The following ATP7A variants were observed in gnomAD, a reference collection of about 807,000 sequenced individuals.
ATP7A encodes the protein ATPase copper transporting alpha.
In ATP7A, 7 loss-of-function variants were observed where a neutral mutation model predicts 83.5. The ratio of observed to expected loss-of-function variants is 0.08; its 90% CI spans 0.05 to 0.16. ATP7A has a LOEUF of 0.16. Among genes scored for constraint, ATP7A ranks in the 10% least tolerant of loss-of-function variants. ATP7A has a pLI of 1.00. For synonymous variants in ATP7A, 354 were observed against 395.2 expected (o/e 0.90, Z 1.24); for missense variants, 940 against 1,120.8 (o/e 0.84, Z 2.30).
At chrX:78,004,299 C>T (rs1426945946) in intron 6 of ATP7A, among the ~76,000 whole-genome samples, 3 of 112,044 alleles carry the variant, frequency 2.7e-5, no homozygotes, top group African/African-American at 3.2e-5. Context: ...CTGTTTATCT[C>T]AGGAAGAGAG....
At chrX:77,974,881 AT>A (rs200458835) in intron 2 of ATP7A, 59 of 278,234 alleles carry the variant, frequency 2.1e-4, no homozygotes, top group South Asian at 4.5e-4. Flanking sequence ...TGGAGAAACT[AT>A]TTTTTTTTAT....
At chrX:77,916,079 G>A (rs1249156777) in intron 1 of ATP7A, among the ~76,000 whole-genome samples, 1 of 111,099 alleles carries the variant, frequency 9.0e-6, no homozygotes, top group African/African-American at 3.3e-5. Context: ...AAATTGGCCG[G>A]TGCGGTGGCT....
At chrX:77,969,816 G>A (rs890663552) in intron 1 of ATP7A, among the ~76,000 whole-genome samples, 1 of 112,069 alleles carries the variant, frequency 8.9e-6, no homozygotes, top group Non-Finnish European at 1.9e-5. Flanking sequence ...GTTTGACTAT[G>A]ATGATTTCAT....
chrX:78,000,574 T>A (rs193274052), intron 5 of ATP7A, among the ~76,000 whole-genome samples: 129 of 107,674 alleles, frequency 1.2e-3, no homozygotes, highest in African/African-American at 4.2e-3. Flanking sequence ...TTCTCTCAAT[T>A]TAGTCTGCAA....
chrX:77,973,985 T>C (rs1249710858), intron 2 of ATP7A, among the ~76,000 whole-genome samples: 1 of 111,674 alleles, frequency 9.0e-6, no homozygotes, highest in Non-Finnish European at 1.9e-5. Flanking sequence ...TAAATGGTAC[T>C]GTTTTTAAAT....
rs868946047 is a variant in ATP7A, at chrX:77,989,429, G to A, written c.807G>A (p.Arg269=). The A allele has an allele frequency of 5.8e-6, 7 of 1,209,818 alleles. No homozygotes were observed. Among genetic ancestry groups the A allele is most frequent in the Middle Eastern group, 2.3e-4 (1 of 4,374 alleles). Residue 269 remains arginine (R), a synonymous_variant, in exon 4 of 23, where the codon AGG becomes AGA. Transcript: ENST00000341514. ...PVKSSEGSQQ[R]SPSYTNDSTA... ...AATCCTCAGAAGGGTCACAGCAAAG[G>A]AGTCCATCATATACCAATGATTCAA...
chrX:78,046,278 T>C lies in ATP7A; in HGVS notation c.4227-16T>C. On this transcript the variant is annotated splice_polypyrimidine_tract_variant and intron_variant, in intron 22 of 22. Coordinates refer to ENST00000341514, the MANE Select transcript of ATP7A (RefSeq NM_000052.7). ...TTTTGGTTATTTGAAACTAGCATACTTTTGCATATGTCCAGTTACAGGAAA... is the reference window on the plus strand; with the variant it reads ...TTTTGGTTATTTGAAACTAGCATACCTTTGCATATGTCCAGTTACAGGAAA... The C allele has an allele frequency of 3.3e-6, 4 of 1,210,112 alleles. No individual in the cohort carries two copies. Among genetic ancestry groups the C allele is most frequent in the Non-Finnish European group, 4.5e-6 (4 of 894,327 alleles).
chrX:78,033,585 C>T lies in ATP7A; in HGVS notation c.3295-20C>T. 1 of 1,198,316 alleles carries T rather than the reference C, an allele frequency of 8.3e-7. No homozygotes were observed. Among genetic ancestry groups the T allele is most frequent in the Non-Finnish European group, 1.1e-6 (1 of 883,455 alleles). ...CATTATCAGAACAGTAGAGGAAATC[C>T]TTTTGTTTCTGTTTGTTAGGAGCTG... is the stretch of plus-strand genomic sequence containing the variant. On this transcript the variant is annotated intron_variant, in intron 16 of 22. Transcript: ENST00000341514.
At chrX:78,043,229 G>A (rs1291324042) in intron 20 of ATP7A, 88 bp from the exon 21 acceptor site, 20 of 654,797 alleles carry the variant, frequency 3.1e-5, no homozygotes, top group East Asian at 6.5e-5. Flanking sequence ...TAAGGTAGAC[G>A]TAATCTTCAA....
chrX:77,989,213 T>C lies in ATP7A; in HGVS notation c.611-20T>C, dbSNP rs782501595. The C allele has an allele frequency of 5.9e-6, 7 of 1,191,076 alleles. No individual in the cohort carries two copies. The highest frequency in any genetic ancestry group is 7.9e-6 in the Non-Finnish European group (7 of 881,927). ...AGCCCAGGAATAACTGAATTAATTA[T>C]ATTTCTTTTTATTAACTAGTCTCCC... is the stretch of plus-strand genomic sequence containing the variant. On this transcript the variant is annotated intron_variant, in intron 3 of 22. Transcript: ENST00000341514.
chrX:77,940,005 TGGAG>T (rs1168256170), intron 1 of ATP7A, among the ~76,000 whole-genome samples: 4 of 109,854 alleles, frequency 3.6e-5, no homozygotes, highest in Non-Finnish European at 7.6e-5. Context: ...GAGATTTTGA[TGGAG>T]GGAGGATCTG....
intron 4 of ATP7A, among the ~76,000 whole-genome samples, chrX:77,994,545 C>CT (rs1160409693): frequency 5.9e-4 from 61 of 103,190 alleles, no homozygotes; most frequent in Non-Finnish European, 9.0e-4. Context: ...AGTTCAGTAA[C>CT]TTTTTTTTTT....
chrX:77,918,145 C>A (rs2077194162), intron 1 of ATP7A, among the ~76,000 whole-genome samples: 1 of 107,803 alleles, frequency 9.3e-6, no homozygotes. Flanking sequence ...CAGCTCACTG[C>A]AGCCTCAACC....
chrX:77,969,008 G>T lies in ATP7A; in HGVS notation c.-21-2613G>T, dbSNP rs782578298. 82 of 1,209,858 alleles carry T rather than the reference G, an allele frequency of 6.8e-5. No individual in the cohort carries two copies. The East Asian group carries it at 2.0e-3, about 30-fold the overall frequency. On this transcript the variant is annotated intron_variant, in intron 1 of 22. Coordinates refer to ENST00000341514, the MANE Select transcript of ATP7A (RefSeq NM_000052.7). ...TCATAGACGATGGGAATACCAGTCG[G>T]CAGGTTCAGCTCCATGATAGCCTCT...
intron 15 of ATP7A, among the ~76,000 whole-genome samples, chrX:78,030,794 C>A (rs782027761): frequency 1.9e-5 from 2 of 106,989 alleles, no homozygotes; most frequent in Middle Eastern, 4.3e-3. Context: ...CAAGTTCCAG[C>A]GATTCTCCTG....
chrX:77,966,724 C>T (rs1325404361), intron 1 of ATP7A: 4 of 321,172 alleles, frequency 1.2e-5, no homozygotes, highest in Non-Finnish European at 2.4e-5. Flanking sequence ...TATGGTTGCA[C>T]ATCCTTGTGA....
intron 14 of ATP7A, among the ~76,000 whole-genome samples, chrX:78,022,587 G>A (rs562800143): frequency 1.8e-5 from 2 of 109,243 alleles, no homozygotes; most frequent in Non-Finnish European, 3.8e-5. Context: ...GCACGATCTC[G>A]GCTCACTGCA....
chrX:77,958,675 G>A (rs1302374976), intron 1 of ATP7A, among the ~76,000 whole-genome samples: 1 of 110,348 alleles, frequency 9.1e-6, no homozygotes, highest in Non-Finnish European at 1.9e-5. Context: ...TCTATAGATT[G>A]CTTTGGGTAG....
chrX:77,969,510 C>G lies in ATP7A; in HGVS notation c.-21-2111C>G, dbSNP rs782759305. On this transcript the variant is annotated intron_variant, in intron 1 of 22. Coordinates refer to ENST00000341514, the MANE Select transcript of ATP7A (RefSeq NM_000052.7). ...ACTCATAGCCAGCATCTCGTAGCGC[C>G]TGCCCGCCGCGCTTCGCCTCCTCGT... The G allele has an allele frequency of 5.1e-4, 620 of 1,209,194 alleles. 2 individuals are homozygous for G. The South Asian group carries it at 8.1e-3, about 16-fold the overall frequency.
Sources: allele counts gnomAD v4.1 joint callset (sites outside exome capture counted in the v4.1 genomes callset), GRCh38; gene constraint gnomAD v4.1.1; transcripts MANE v1.5; gene names NCBI Gene and HGNC (gene_info 2026-07-23, HGNC 2026-07-21).